ZNF521: variants seen among roughly 807,000 people sequenced by gnomAD.
ZNF521 encodes LYST-interacting protein 3.
ZNF521 carries 14 observed loss-of-function variants against 105.5 expected under a neutral mutation model. That is an observed-to-expected ratio of 0.13 (90% CI 0.09 to 0.21). The LOEUF (loss-of-function observed/expected upper bound fraction) is 0.21. Ranked by LOEUF, ZNF521 falls within the 10% of genes least tolerant of loss-of-function variation. The pLI, the probability that ZNF521 is intolerant of heterozygous loss-of-function variation, is 1.00. For missense variants in ZNF521, 1,233 were observed against 1,629.7 expected, an observed-to-expected ratio of 0.76 and a Z score of 4.19; for synonymous variants, 635 against 606.0, an observed-to-expected ratio of 1.05 and a Z score of -0.70.
chr18:25,131,518 T>A (rs151189910), intron 5 of ZNF521, among the ~76,000 whole-genome samples: 3 of 152,162 alleles, frequency 2.0e-5, no homozygotes, highest in Non-Finnish European at 4.4e-5. Context: ...TGTGCTCCAG[T>A]TGATCATGGT....
At position 25,324,035 on chromosome 18, in the gene ZNF521, T is replaced by C. The variant is rs535819229; in HGVS notation, c.41-1848A>G. On this transcript the variant is annotated intron_variant, in intron 2 of 7. Transcript: ENST00000361524. ...ATTGGTAATTTGGGCTGATTTGCCA[T>C]CTGGAAAATTATTATCTCAACATTC... Among the ~76,000 whole-genome samples the C allele has an allele frequency of 1.1e-4, 17 of 152,280 alleles. No individual in the cohort carries two copies. The South Asian group carries it at 3.5e-3, about 32-fold the overall frequency.
At position 25,333,314 on chromosome 18, in the gene ZNF521, C is replaced by CTCTATA. The variant is rs572058933; in HGVS notation, c.41-11128_41-11127insTATAGA. Among the ~76,000 whole-genome samples the CTCTATA allele has an allele frequency of 8.3e-3, 1,207 of 145,734 alleles. 10 individuals carry two copies. The highest frequency in any genetic ancestry group is 0.02 in the East Asian group (99 of 4,940). ...ATAAGGACACACTCTCTCTCTCTCT[C>CTCTATA]TATATATATATATATATATACACAC... is the stretch of plus-strand genomic sequence containing the variant. On this transcript the variant is annotated intron_variant, in intron 2 of 7. Coordinates refer to ENST00000361524, the MANE Select transcript of ZNF521 (RefSeq NM_015461.3).
chr18:25,248,268 A>G (rs1054713937), intron 3 of ZNF521, among the ~76,000 whole-genome samples: 2 of 152,216 alleles, frequency 1.3e-5, no homozygotes, highest in Non-Finnish European at 2.9e-5. Context: ...TAGGTCAGCA[A>G]CAACACCTCT....
At chr18:25,333,950 C>T (rs1174205552) in intron 2 of ZNF521, among the ~76,000 whole-genome samples, 2 of 152,172 alleles carry the variant, frequency 1.3e-5, no homozygotes, top group East Asian at 3.9e-4. Flanking sequence ...GTGGGCTCCA[C>T]CCAAGCAAAT....
chr18:25,088,219 C>CT (rs549305074), intron 7 of ZNF521, among the ~76,000 whole-genome samples: 2,748 of 147,728 alleles, frequency 0.019, 55 homozygotes, highest in South Asian at 0.06. Flanking sequence ...CTTTTCTTTT[C>CT]TTTTTTTTTT....
At chr18:25,157,588 G>A (rs78761260) in intron 5 of ZNF521, among the ~76,000 whole-genome samples, 2,978 of 152,234 alleles carry the variant, frequency 0.02, 95 homozygotes, top group African/African-American at 0.067. Flanking sequence ...AGCAAAGATG[G>A]GCACAAGTGT....
At chr18:25,245,461 G>A (rs568401172) in intron 3 of ZNF521, among the ~76,000 whole-genome samples, 1 of 152,150 alleles carries the variant, frequency 6.6e-6, no homozygotes, top group Non-Finnish European at 1.5e-5. Context: ...TTTAGTCTAA[G>A]CTTCATGCGT....
intron 2 of ZNF521, among the ~76,000 whole-genome samples, chr18:25,322,589 G>C: frequency 6.8e-6 from 1 of 146,130 alleles, no homozygotes; most frequent in East Asian, 2.0e-4. Flanking sequence ...CTCTTTTTCT[G>C]CTAAATATAC....
chr18:25,168,824 G>GT (rs2035395997), intron 5 of ZNF521, among the ~76,000 whole-genome samples: 1 of 152,170 alleles, frequency 6.6e-6, no homozygotes, highest in Non-Finnish European at 1.5e-5. Context: ...GACACTAAGT[G>GT]TGAGTAAACT....
chr18:25,123,778 G>C (rs1461279604), intron 5 of ZNF521, among the ~76,000 whole-genome samples: 1 of 152,190 alleles, frequency 6.6e-6, no homozygotes, highest in Non-Finnish European at 1.5e-5. Flanking sequence ...TCCATATTTA[G>C]TTACTAATGG....
At chr18:25,317,372 G>T (rs558933668) in intron 3 of ZNF521, among the ~76,000 whole-genome samples, 2 of 152,032 alleles carry the variant, frequency 1.3e-5, no homozygotes, top group South Asian at 2.1e-4. Flanking sequence ...CTTTTGCTTC[G>T]ATTCAATTTT....
chr18:25,068,843 C>T (rs910674211), intron 7 of ZNF521, among the ~76,000 whole-genome samples: 1 of 152,122 alleles, frequency 6.6e-6, no homozygotes, highest in Non-Finnish European at 1.5e-5. Context: ...ACTTAAAATG[C>T]TAGAATATTG....
At chr18:25,070,136 G>C (rs74522555) in intron 7 of ZNF521, among the ~76,000 whole-genome samples, 2,700 of 152,250 alleles carry the variant, frequency 0.018, 88 homozygotes, top group African/African-American at 0.062. Context: ...GAAGGAAAAG[G>C]ACTATTAGGA....
In ZNF521 at chr18:25,342,435, T is replaced by TTTGTTTG. The variant is rs72024725; in HGVS notation, c.40+8471_40+8472insCAAACAA. On this transcript the variant is annotated intron_variant, in intron 2 of 7. Coordinates refer to ENST00000361524, the MANE Select transcript of ZNF521 (RefSeq NM_015461.3). ...TTTTTTTTTGTTTGTTTGTTTGTTT[T>TTTGTTTG]TTTTGAGACAGAGTCTCGCTCTGTC... Among the ~76,000 whole-genome samples the TTTGTTTG allele has an allele frequency of 6.2e-3, 870 of 140,974 alleles. 9 individuals carry two copies. The highest frequency in any genetic ancestry group is 0.021 in the African/African-American group (798 of 38,564). 92.5% of individuals were successfully genotyped at this position (140,974 alleles called of 152,430 possible). A position where few individuals can be genotyped will look rare whatever the true frequency, so the allele number is the denominator to read the frequency against.
intron 4 of ZNF521, among the ~76,000 whole-genome samples, chr18:25,218,355 A>G (rs568039601): frequency 2.6e-3 from 392 of 151,914 alleles, no homozygotes; most frequent in Non-Finnish European, 3.7e-3. Flanking sequence ...TGGTGGGAGG[A>G]GTTGATTCAA....
intron 3 of ZNF521, among the ~76,000 whole-genome samples, chr18:25,304,906 T>G (rs1279640635): frequency 6.6e-6 from 1 of 152,178 alleles, no homozygotes; most frequent in Non-Finnish European, 1.5e-5. Context: ...AAGTGCACAG[T>G]AAGATTGTAG....
chr18:25,067,139 G>T (rs1241300210), intron 7 of ZNF521, among the ~76,000 whole-genome samples: 5 of 152,018 alleles, frequency 3.3e-5, no homozygotes, highest in Non-Finnish European at 7.4e-5. Flanking sequence ...ACTGAAAATT[G>T]CAAACCATTA....
intron 5 of ZNF521, among the ~76,000 whole-genome samples, chr18:25,165,801 A>C (rs1023339000): frequency 5.3e-5 from 8 of 152,238 alleles, no homozygotes; most frequent in Admixed American, 1.3e-4. Flanking sequence ...GTTAATGAGC[A>C]AATGTATCAT....
At chr18:25,263,133 C>A (rs1909022519) in intron 3 of ZNF521, among the ~76,000 whole-genome samples, 2 of 152,162 alleles carry the variant, frequency 1.3e-5, no homozygotes, top group South Asian at 4.1e-4. Flanking sequence ...ATCTCTTAAT[C>A]AAAACCAAGG....
Sources: allele counts gnomAD v4.1 joint callset (sites outside exome capture counted in the v4.1 genomes callset), GRCh38; gene constraint gnomAD v4.1.1; transcripts MANE v1.5; gene names NCBI Gene and HGNC (gene_info 2026-07-23, HGNC 2026-07-21).